Variants in AVL9 observed in about 807,000 individuals in gnomAD.
AVL9 encodes the protein late secretory pathway protein AVL9 homolog.
In AVL9, 49 loss-of-function variants were observed where a neutral mutation model predicts 79.2. That is an observed-to-expected ratio of 0.62 (90% CI 0.49 to 0.79). The LOEUF (loss-of-function observed/expected upper bound fraction) is 0.79. Among genes scored for constraint, AVL9 ranks in the 30% least tolerant of loss-of-function variants. The pLI is 0.00. For synonymous variants in AVL9, 299 were observed against 280.6 expected (o/e 1.07, Z -0.65); for missense variants, 682 against 776.8 (o/e 0.88, Z 1.45).
chr7:32,520,963 G>A (rs964890679), intron 1 of AVL9, among the ~76,000 whole-genome samples: 2 of 152,020 alleles, frequency 1.3e-5, no homozygotes, highest in African/African-American at 4.8e-5. Flanking sequence ...TAAGTCACAC[G>A]AGATCTGATG....
In AVL9 at chr7:32,563,488, T is replaced by C. The variant is rs975968963; in HGVS notation, c.1215+4024T>C. Among the ~76,000 whole-genome samples the C allele has an allele frequency of 4.1e-5, 5 of 123,270 alleles. No homozygotes were observed. In the East Asian group the frequency reaches 9.7e-4, roughly 24 times the overall value. 80.9% of individuals were successfully genotyped at this position (123,270 alleles called of 152,430 possible). ...GTTGAATCTGGTATGTGGGAACCCA[T>C]GGATGTGGAGAACCAACTGTATTTC... On this transcript the variant is annotated intron_variant, in intron 10 of 15. Coordinates refer to ENST00000318709, the MANE Select transcript of AVL9 (RefSeq NM_015060.3).
intron 1 of AVL9, chr7:32,535,734 C>T (rs1163734611): frequency 6.6e-6 from 1 of 152,152 alleles, no homozygotes; most frequent in East Asian, 1.9e-4. Flanking sequence ...ATAAGTGTTT[C>T]TCAATTTCTG....
chr7:32,580,379 C>A, intron 14 of AVL9, 107 bp downstream of exon 14: 1 of 841,606 alleles, frequency 1.2e-6, no homozygotes, highest in South Asian at 1.6e-5. Context: ...ACTTATGCTT[C>A]AAATAGTAAC....
Position 32,553,778 on chromosome 7 carries a change from T to G in AVL9, c.570+11T>G, listed in dbSNP as rs745979394. ...CATTTTCGACACAAGGTATGGTACC[T>G]TATTTAAATAAATTTATGATGTACA... is the stretch of plus-strand genomic sequence containing the variant. On this transcript the variant is annotated intron_variant, in intron 7 of 15. Coordinates refer to ENST00000318709, the MANE Select transcript of AVL9 (RefSeq NM_015060.3). 1 of 1,600,942 alleles carries G rather than the reference T, an allele frequency of 6.2e-7. No homozygotes were observed. Among genetic ancestry groups the G allele is most frequent in the Admixed American group, 1.7e-5 (1 of 59,786 alleles).
intron 3 of AVL9, among the ~76,000 whole-genome samples, chr7:32,546,810 G>A (rs545322191): frequency 5.3e-5 from 8 of 152,046 alleles, no homozygotes; most frequent in East Asian, 1.9e-4. Flanking sequence ...GCAGCAGAGC[G>A]AGACTCCCTC....
chr7:32,523,017 A>G (rs908380077), intron 1 of AVL9, among the ~76,000 whole-genome samples: 11 of 152,092 alleles, frequency 7.2e-5, no homozygotes, highest in African/African-American at 2.2e-4. Flanking sequence ...TGTAAGTCCA[A>G]TTAAACCTTT....
chr7:32,527,760 G>A (rs12539626), intron 1 of AVL9, among the ~76,000 whole-genome samples: 35,487 of 152,026 alleles, frequency 0.23, 4,921 homozygotes, highest in Admixed American at 0.34. Context: ...GTTGCCTCTG[G>A]CAAATCTTGG....
At chr7:32,540,871 CTTTT>C (rs749306635) in intron 1 of AVL9, among the ~76,000 whole-genome samples, 4 of 72,464 alleles carry the variant, frequency 5.5e-5, no homozygotes, top group Admixed American at 2.3e-4. Context: ...TGTTGTACTA[CTTTT>C]TTTTTTTTTT....
intron 1 of AVL9, among the ~76,000 whole-genome samples, chr7:32,528,783 G>A (rs1242841411): frequency 6.6e-6 from 1 of 152,156 alleles, no homozygotes; most frequent in African/African-American, 2.4e-5. Flanking sequence ...GGCTGAGGCG[G>A]GCAGATCACA....
intron 7 of AVL9, 99 bp from the exon 8 acceptor site, chr7:32,554,458 AT>A: frequency 6.3e-6 from 4 of 636,846 alleles, no homozygotes; most frequent in Non-Finnish European, 1.0e-5. Flanking sequence ...AAAGTGCTGT[AT>A]TTAGTATTAC....
chr7:32,544,630 AT>A, intron 2 of AVL9, 63 bp from the exon 3 acceptor site: 1 of 1,139,638 alleles, frequency 8.8e-7, no homozygotes, highest in Non-Finnish European at 1.3e-6. Context: ...ATAGCTTCAG[AT>A]TATACTACTT....
rs769483923 is a variant in AVL9 at position 32,573,195 on chromosome 7, C to T, written c.1351-4C>T. On this transcript the variant is annotated splice_region_variant and splice_polypyrimidine_tract_variant and intron_variant, in intron 11 of 15. Transcript: ENST00000318709. ...ACTCTGACTTGTACCTGGATACCCT[C>T]TAGGTAGAAGAAGCTCTGATCCAGA... 6.8e-6 allele frequency: 11 copies of T among 1,613,292 alleles called. No individual in the cohort carries two copies. The African/African-American group carries it at 1.2e-4, about 18-fold the overall frequency.
chr7:32,498,237 A>ATTTTTTTTTTTTTTTTTTTTTTTTTTTT (rs10547851), intron 1 of AVL9, among the ~76,000 whole-genome samples: 2 of 89,814 alleles, frequency 2.2e-5, no homozygotes, highest in African/African-American at 4.5e-5. Flanking sequence ...AAGTCCTCAG[A>ATTTTTTTTTTTTTTTTTTTTTTTTTTTT]TTTTTTTTTT....
At position 32,559,058 on chromosome 7, in the gene AVL9, C is replaced by T. The variant is rs950733233; in HGVS notation, c.809C>T (p.Ser270Leu). 85 of 1,614,008 alleles carry T rather than the reference C, an allele frequency of 5.3e-5. No homozygotes were observed. The highest frequency in any genetic ancestry group is 6.6e-5 in the Non-Finnish European group (78 of 1,180,006). The change falls in exon 10 of 16, where the codon TCA becomes TTA. Residue 270 changes from serine (S) to leucine (L), a missense_variant. By Grantham distance (145) the Ser-to-Leu change is moderately radical. Transcript: ENST00000318709. ...DFVSASTADV[S>L]HTNLGTIRKV... The stretch of plus-strand genomic sequence containing the variant: ...GTTTCTGCATCCACTGCTGATGTTT[C>T]ACATACCAACTTGGGAACTATCAGG...
chr7:32,555,533 C>G (rs1255015601), intron 8 of AVL9, among the ~76,000 whole-genome samples: 1 of 152,212 alleles, frequency 6.6e-6, no homozygotes, highest in African/African-American at 2.4e-5. Context: ...ATCTGACCTA[C>G]TACCTATTGT....
chr7:32,563,155 C>G (rs575510619), intron 10 of AVL9, among the ~76,000 whole-genome samples: 20 of 152,196 alleles, frequency 1.3e-4, no homozygotes, highest in Admixed American at 1.1e-3. Flanking sequence ...CCTCAGCCTC[C>G]CTAGTAGCTG....
At chr7:32,527,006 C>G (rs896180275) in intron 1 of AVL9, among the ~76,000 whole-genome samples, 1 of 152,098 alleles carries the variant, frequency 6.6e-6, no homozygotes, top group Non-Finnish European at 1.5e-5. Context: ...TTGACTGTCT[C>G]AAAACTATGC....
intron 1 of AVL9, among the ~76,000 whole-genome samples, chr7:32,525,787 G>A (rs1036321923): frequency 6.6e-6 from 1 of 152,048 alleles, no homozygotes; most frequent in East Asian, 1.9e-4. Context: ...TTACTTTCAA[G>A]GAAACCAAAC....
intron 3 of AVL9, among the ~76,000 whole-genome samples, chr7:32,547,698 A>G (rs1789585143): frequency 6.6e-6 from 1 of 152,204 alleles, no homozygotes; most frequent in Non-Finnish European, 1.5e-5. Flanking sequence ...AGATAAACCA[A>G]TTATTGGAGG....
Sources: allele counts gnomAD v4.1 joint callset (sites outside exome capture counted in the v4.1 genomes callset), GRCh38; gene constraint gnomAD v4.1.1; transcripts MANE v1.5; gene names NCBI Gene and HGNC (gene_info 2026-07-23, HGNC 2026-07-21).